Variants in PAK5 observed in about 807,000 individuals in gnomAD.
PAK5 encodes the protein p21 (RAC1) activated kinase 5, also known as serine/threonine-protein kinase PAK 5.
In PAK5, 16 loss-of-function variants were observed where a neutral mutation model predicts 65.9. The observed-to-expected ratio is 0.24, with a 90% CI of 0.16 to 0.37. PAK5 has a LOEUF of 0.37. Among genes scored for constraint, PAK5 ranks in the 10% least tolerant of loss-of-function variants. The probability of loss-of-function intolerance (pLI) is 1.00; values close to 1 mark genes in which losing one functional copy is unlikely to be tolerated. For synonymous variants in PAK5, 371 were observed against 354.9 expected (o/e 1.05, Z -0.51); for missense variants, 785 against 903.9 (o/e 0.87, Z 1.69).
intron 2 of PAK5, among the ~76,000 whole-genome samples, chr20:9,674,474 T>C (rs1263981877): frequency 6.6e-6 from 1 of 152,220 alleles, no homozygotes; most frequent in Non-Finnish European, 1.5e-5. Flanking sequence ...CTTCCCTCTA[T>C]AGATCTTGCT....
intron 2 of PAK5, among the ~76,000 whole-genome samples, chr20:9,708,384 A>C (rs1347502380): frequency 6.6e-6 from 1 of 152,154 alleles, no homozygotes; most frequent in African/African-American, 2.4e-5. Context: ...GTGATTATAT[A>C]TATATAATCA....
At chr20:9,751,726 A>G (rs1159132806) in intron 1 of PAK5, among the ~76,000 whole-genome samples, 1 of 152,126 alleles carries the variant, frequency 6.6e-6, no homozygotes, top group Non-Finnish European at 1.5e-5. Flanking sequence ...TATCAATTCT[A>G]TTTCCATAAC....
intron 8 of PAK5, among the ~76,000 whole-genome samples, chr20:9,543,093 A>G (rs1172232041): frequency 1.3e-5 from 2 of 152,240 alleles, no homozygotes; most frequent in Non-Finnish European, 2.9e-5. Flanking sequence ...TAAGCAAATA[A>G]GAAAGTTTTG....
chr20:9,671,358 C>T (rs2047495069), intron 2 of PAK5, among the ~76,000 whole-genome samples: 1 of 152,102 alleles, frequency 6.6e-6, no homozygotes, highest in African/African-American at 2.4e-5. Context: ...TATAAATTAC[C>T]TTGGGCAGTA....
chr20:9,655,322 T>C (rs1465654123), intron 2 of PAK5, among the ~76,000 whole-genome samples: 4 of 152,138 alleles, frequency 2.6e-5, no homozygotes, highest in Admixed American at 6.5e-5. Context: ...ATCCAGACCA[T>C]TTTCTATTTG....
intron 3 of PAK5, 112 bp downstream of exon 3, chr20:9,644,013 T>G: frequency 1.3e-6 from 1 of 743,354 alleles, no homozygotes; most frequent in South Asian, 1.6e-5. Context: ...AATCTGTGAA[T>G]GTTAAAAAAT....
chr20:9,729,699 G>A (rs2423443), intron 1 of PAK5, among the ~76,000 whole-genome samples: 87,716 of 152,044 alleles, frequency 0.58, 25,790 homozygotes, highest in East Asian at 0.83. Flanking sequence ...GGACCATGAA[G>A]TGAGAAAGAA....
At chr20:9,584,232 G>T (rs1212452671) in intron 3 of PAK5, among the ~76,000 whole-genome samples, 1 of 152,162 alleles carries the variant, frequency 6.6e-6, no homozygotes, top group Non-Finnish European at 1.5e-5. Context: ...CTATAACTCA[G>T]CCTTAAAAAT....
intron 1 of PAK5, among the ~76,000 whole-genome samples, chr20:9,790,386 AG>A (rs1417161499): frequency 6.6e-6 from 1 of 152,108 alleles, no homozygotes; most frequent in Non-Finnish European, 1.5e-5. Context: ...AGAGGAAAAG[AG>A]GGGAGAGGGA....
intron 1 of PAK5, among the ~76,000 whole-genome samples, chr20:9,749,998 A>G (rs560411252): frequency 6.6e-6 from 1 of 152,278 alleles, no homozygotes; most frequent in South Asian, 2.1e-4. Flanking sequence ...TCCAAACATT[A>G]TTCAGTTCTG....
intron 1 of PAK5, among the ~76,000 whole-genome samples, chr20:9,814,792 G>A (rs1269607206): frequency 6.6e-6 from 1 of 152,158 alleles, no homozygotes; most frequent in African/African-American, 2.4e-5. Flanking sequence ...GCAATGACAC[G>A]AGGGTGGACA....
At chr20:9,771,409 A>ATTTT (rs2048831567) in intron 1 of PAK5, among the ~76,000 whole-genome samples, 4 of 150,634 alleles carry the variant, frequency 2.7e-5, no homozygotes, top group African/African-American at 9.8e-5. Context: ...TAATTTAAAA[A>ATTTT]AATTTTTTTT....
chr20:9,605,312 T>C (rs1033186929), intron 3 of PAK5, among the ~76,000 whole-genome samples: 3 of 152,198 alleles, frequency 2.0e-5, no homozygotes, highest in Non-Finnish European at 4.4e-5. Context: ...AAACTGTTAG[T>C]GTGCATGAGA....
intron 1 of PAK5, among the ~76,000 whole-genome samples, chr20:9,786,391 C>G (rs2048992937): frequency 1.3e-5 from 2 of 152,134 alleles, no homozygotes; most frequent in Admixed American, 1.3e-4. Context: ...GTGACACACA[C>G]ATGCCATGTT....
intron 3 of PAK5, among the ~76,000 whole-genome samples, chr20:9,638,667 G>T (rs2047011775): frequency 6.6e-6 from 1 of 152,158 alleles, no homozygotes; most frequent in African/African-American, 2.4e-5. Flanking sequence ...AACTCTTCAG[G>T]TGATTCTGAT....
At chr20:9,814,651 T>A (rs958926242) in intron 1 of PAK5, among the ~76,000 whole-genome samples, 3 of 152,114 alleles carry the variant, frequency 2.0e-5, no homozygotes, top group Non-Finnish European at 2.9e-5. Context: ...ACATAAAAAA[T>A]AAATATATAA....
At chr20:9,758,946 C>T (rs2048666595) in intron 1 of PAK5, among the ~76,000 whole-genome samples, 4 of 151,978 alleles carry the variant, frequency 2.6e-5, no homozygotes, top group Non-Finnish European at 4.4e-5. Flanking sequence ...GTTTCAGAGC[C>T]CACTGAGTGT....
chr20:9,572,438 C>A (rs545560305), intron 4 of PAK5, among the ~76,000 whole-genome samples: 1 of 152,290 alleles, frequency 6.6e-6, no homozygotes, highest in East Asian at 1.9e-4. Context: ...CATGTTCATG[C>A]ATGTGAGAAA....
chr20:9,817,421 C>T (rs1005103228), intron 1 of PAK5, among the ~76,000 whole-genome samples: 1 of 152,154 alleles, frequency 6.6e-6, no homozygotes, highest in Non-Finnish European at 1.5e-5. Flanking sequence ...CTTCAACACA[C>T]ACAATAGTGA....
Sources: allele counts gnomAD v4.1 joint callset (sites outside exome capture counted in the v4.1 genomes callset), GRCh38; gene constraint gnomAD v4.1.1; transcripts MANE v1.5; gene names NCBI Gene and HGNC (gene_info 2026-07-23, HGNC 2026-07-21).